STKLD1: variants seen among roughly 807,000 people sequenced by gnomAD.
STKLD1 encodes serine/threonine kinase like domain containing 1.
A neutral mutation model predicts 80.4 loss-of-function variants in STKLD1; 79 were observed. That is an observed-to-expected ratio of 0.98 (90% CI 0.82 to 1.19). The LOEUF (loss-of-function observed/expected upper bound fraction) is 1.19, where lower values mean the gene tolerates loss of function less well. Among genes scored for constraint, STKLD1 ranks in the 50% most tolerant of loss-of-function variants. The probability of loss-of-function intolerance (pLI) is 0.00; values close to 1 mark genes in which losing one functional copy is unlikely to be tolerated. For missense variants in STKLD1, 841 were observed against 856.0 expected (o/e 0.98, Z 0.22); for synonymous variants, 393 against 357.6 (o/e 1.10, Z -1.12).
In STKLD1 at chr9:133,394,531, C is replaced by T; in HGVS notation, c.702+122C>T. Reference sequence around the variant, plus strand: ...CCTTCCCCTGGCTCTCTGCAGGCTGCACAGAGCCCTCTTCTCCACCTGCGA... The same window carrying T: ...CCTTCCCCTGGCTCTCTGCAGGCTGTACAGAGCCCTCTTCTCCACCTGCGA... On this transcript the variant is annotated intron_variant, in intron 8 of 17. Transcript: ENST00000371957. This position sits in a 1 kb window ranked among gnomAD's most constrained non-coding sequence, Gnocchi z 4.9. 2 of 749,070 alleles carry T rather than the reference C, an allele frequency of 2.7e-6. No homozygotes were observed. Among genetic ancestry groups the T allele is most frequent in the Non-Finnish European group, 2.4e-6 (1 of 425,394 alleles). 46.4% of individuals were successfully genotyped at this position (749,070 alleles called of 1,614,324 possible). A position where few individuals can be genotyped will look rare whatever the true frequency, so the allele number is the denominator to read the frequency against.
intron 11 of STKLD1, 42 bp from the exon 12 acceptor site, chr9:133,400,371 C>T: frequency 4.0e-6 from 6 of 1,517,304 alleles, no homozygotes; most frequent in Non-Finnish European, 5.5e-6. Context: ...TGCCCCCGAT[C>T]TGGCCCAAAA....
At chr9:133,399,017 T>G (rs1554777128) in intron 11 of STKLD1, among the ~76,000 whole-genome samples, 1 of 152,124 alleles carries the variant, frequency 6.6e-6, no homozygotes, top group Non-Finnish European at 1.5e-5. Context: ...CACACCCAGC[T>G]AATTTTTCGT....
rs1398205563 is a variant in STKLD1 at position 133,404,723 on chromosome 9, C to T, written c.1733-66C>T. Reference sequence around the variant, plus strand: ...GTGAGCTCTGGGGTCCCATCCCGTCCTGGGCAGAAGGCTCTTCCCTTTCAG... The same window carrying T: ...GTGAGCTCTGGGGTCCCATCCCGTCTTGGGCAGAAGGCTCTTCCCTTTCAG... On this transcript the variant is annotated intron_variant, in intron 16 of 17. Transcript: ENST00000371957. The T allele has an allele frequency of 1.9e-6, 3 of 1,580,228 alleles. No homozygotes were observed. The African/African-American group carries it at 4.1e-5, about 21-fold the overall frequency.
In STKLD1 at chr9:133,405,747, CG is replaced by C. The variant is rs1249300461; in HGVS notation, c.*331del. The C allele has an allele frequency of 1.8e-5, 4 of 216,708 alleles. No individual in the cohort carries two copies. Among genetic ancestry groups the C allele is most frequent in the African/African-American group, 9.3e-5 (4 of 43,144 alleles). The allele number at this position is 216,708 out of a possible 1,614,324, so 13.4% of individuals were successfully genotyped here. ...GTGGGGAAGCAGCTCAGCCCTGATGCGGGGGAGAAGACAGATACCCCACAGG... is the reference window on the plus strand; with the variant it reads ...GTGGGGAAGCAGCTCAGCCCTGATGCGGGGAGAAGACAGATACCCCACAGG... On this transcript the variant is annotated 3_prime_UTR_variant, in exon 18 of 18. Transcript: ENST00000371957.
chr9:133,385,355 G>A lies in STKLD1; in HGVS notation c.220-262G>A, dbSNP rs978828574. ...CTCACTCACCCCCCATGGTATCCCT[G>A]TGAGGCAGATTCCACTAGGACCCCC... On this transcript the variant is annotated intron_variant, in intron 3 of 17. Transcript: ENST00000371957. This position sits in a 1 kb window ranked among gnomAD's most constrained non-coding sequence, Gnocchi z 4.9. Among the ~76,000 whole-genome samples the A allele has an allele frequency of 6.6e-6, 1 of 152,114 alleles. No individual in the cohort carries two copies. Among genetic ancestry groups the A allele is most frequent in the Non-Finnish European group, 1.5e-5 (1 of 68,016 alleles).
In STKLD1 at chr9:133,390,743, G is replaced by A. The variant is rs2130287207; in HGVS notation, c.530G>A (p.Ser177Asn). 2 of 1,613,928 alleles carry A rather than the reference G, an allele frequency of 1.2e-6. No individual in the cohort carries two copies. The highest frequency in any genetic ancestry group is 1.1e-5 in the South Asian group (1 of 91,080). The change falls in exon 7 of 18, where the codon AGT becomes AAT. Residue 177 changes from serine (S) to asparagine (N), a missense_variant. By Grantham distance (46) the Ser-to-Asn change is conservative (BLOSUM62 1). Transcript: ENST00000371957. This position sits in a 1 kb window ranked among gnomAD's most constrained non-coding sequence, Gnocchi z 5.1. ...GACCACTGCAAACTGCAGGACCTGA[G>A]TTCCAATGTGCTAATGACAGACAAA... The part of the protein sequence containing the change: ...SSDHCKLQDL[S>N]SNVLMTDKAK...
intron 1 of STKLD1, 83 bp from the exon 2 acceptor site, chr9:133,378,953 C>A (rs967754159): frequency 8.1e-7 from 1 of 1,242,012 alleles, no homozygotes; most frequent in Non-Finnish European, 1.1e-6. Context: ...GTTAGCAGGG[C>A]CAGAAAAGGA....
In STKLD1 at chr9:133,405,556, A is replaced by C. The variant is rs1838836543; in HGVS notation, c.*135A>C. 2.3e-6 allele frequency: 2 copies of C among 863,094 alleles called. No homozygotes were observed. Among genetic ancestry groups the C allele is most frequent in the African/African-American group, 3.5e-5 (2 of 57,568 alleles). 53.5% of individuals were successfully genotyped at this position (863,094 alleles called of 1,614,324 possible). A position where few individuals can be genotyped will look rare whatever the true frequency, so the allele number is the denominator to read the frequency against. On this transcript the variant is annotated 3_prime_UTR_variant, in exon 18 of 18. Transcript: ENST00000371957. ...GAGGGGTAATCAGACCTCTCCAAAG[A>C]GTTTCCTGTCCATGACTGCTGGATT...
intron 7 of STKLD1, among the ~76,000 whole-genome samples, chr9:133,392,582 AGTGGATGGATGGATGGATGG>A (rs1263266379): frequency 0.05 from 3,015 of 59,996 alleles, 166 homozygotes; most frequent in Middle Eastern, 0.12. Context: ...TGGATGGATG[AGTGGATGGATGGATGGATGG>A]GTGGATGGAT....
chr9:133,385,094 C>G lies in STKLD1; in HGVS notation c.220-523C>G, dbSNP rs1838234510. Among the ~76,000 whole-genome samples the G allele has an allele frequency of 1.3e-5, 2 of 152,240 alleles. No homozygotes were observed. The highest frequency in any genetic ancestry group is 4.8e-5 in the African/African-American group (2 of 41,458). On this transcript the variant is annotated intron_variant, in intron 3 of 17. Coordinates refer to ENST00000371957, the MANE Select transcript of STKLD1 (RefSeq NM_153710.5). This position sits in a 1 kb window ranked among gnomAD's most constrained non-coding sequence, Gnocchi z 4.9. ...ACGTTGCCGATTCCCATCCACAGCC[C>G]ACTAGGTAGGCCACCTGCTTTCATG...
chr9:133,405,160 G>A, intron 17 of STKLD1, 92 bp from the exon 18 acceptor site: 1 of 1,470,274 alleles, frequency 6.8e-7, no homozygotes, highest in Non-Finnish European at 9.1e-7. Flanking sequence ...CCAAGCCCAA[G>A]GGGGAATGTG....
chr9:133,401,965 T>C (rs1838718324), intron 13 of STKLD1, 87 bp downstream of exon 13: 14 of 1,543,294 alleles, frequency 9.1e-6, no homozygotes, highest in Non-Finnish European at 1.2e-5. Flanking sequence ...GGGGTATAGG[T>C]GGGTTGGACA....
intron 11 of STKLD1, among the ~76,000 whole-genome samples, chr9:133,398,649 C>T (rs1446522076): frequency 6.6e-6 from 1 of 152,126 alleles, no homozygotes; most frequent in Non-Finnish European, 1.5e-5. Context: ...TGTGGTGACA[C>T]ATGTCTGTTA....
At position 133,391,231 on chromosome 9, in the gene STKLD1, G is replaced by A. The variant is rs1240896477; in HGVS notation, c.583+435G>A. ...CCCAGACAGCCGCCCTGTCCGGGAG[G>A]GAGGTGGGGGGGTCAGCCCCCCGCC... On this transcript the variant is annotated intron_variant, in intron 7 of 17. Coordinates refer to ENST00000371957, the MANE Select transcript of STKLD1 (RefSeq NM_153710.5). 3.8e-3 allele frequency among the ~76,000 whole-genome samples: 576 copies of A among 149,652 alleles called. 8 individuals carry two copies. The highest frequency in any genetic ancestry group is 0.011 in the African/African-American group (447 of 39,994).
At position 133,389,708 on chromosome 9, in the gene STKLD1, G is replaced by A. The variant is rs1428400488; in HGVS notation, c.467+112G>A. The A allele has an allele frequency of 2.7e-5, 41 of 1,514,032 alleles. No individual in the cohort carries two copies. Among genetic ancestry groups the A allele is most frequent in the East Asian group, 7.2e-5 (3 of 41,898 alleles). The allele number at this position is 1,514,032 out of a possible 1,614,324, so 93.8% of individuals were successfully genotyped here. A position where few individuals can be genotyped will look rare whatever the true frequency, so the allele number is the denominator to read the frequency against. On this transcript the variant is annotated intron_variant, in intron 6 of 17. Coordinates refer to ENST00000371957, the MANE Select transcript of STKLD1 (RefSeq NM_153710.5). This position sits in a 1 kb window ranked among gnomAD's most constrained non-coding sequence, Gnocchi z 6.4. ...CAGGATCTGGGGAGAAAGGTGCACC[G>A]GGCCAGTGCAGCCAGGATAGGATGG...
chr9:133,404,839 A>T lies in STKLD1; in HGVS notation c.1783A>T (p.Ser595Cys). 1 of 1,613,286 alleles carries T rather than the reference A, an allele frequency of 6.2e-7. No individual in the cohort carries two copies. The highest frequency in any genetic ancestry group is 2.2e-5 in the East Asian group (1 of 44,848). The change falls in exon 17 of 18, where the codon AGC (serine) becomes TGC (cysteine). Residue 595 changes from serine (S) to cysteine (C), a missense_variant. By Grantham distance (112) the Ser-to-Cys change is moderately radical (BLOSUM62 -1). Transcript: ENST00000371957. ...GCAGGAGGAGGGCGGCAGTGGCCTC[A>T]GCCTCATCAAGGAGACCTACCAGCT... is the stretch of plus-strand genomic sequence containing the variant. Reference protein sequence around the residue: ...VVQEEGGSGLSLIKETYQLHR... With the variant: ...VVQEEGGSGLCLIKETYQLHR...
intron 13 of STKLD1, among the ~76,000 whole-genome samples, chr9:133,402,236 G>A (rs984263749): frequency 2.0e-5 from 3 of 152,084 alleles, no homozygotes; most frequent in African/African-American, 2.4e-5. Flanking sequence ...GTGGGCTTCC[G>A]AAGCCTCCAG....
intron 2 of STKLD1, 29 bp from the exon 3 acceptor site, chr9:133,383,827 A>C: frequency 6.2e-7 from 1 of 1,612,878 alleles, no homozygotes; most frequent in Non-Finnish European, 8.5e-7. Context: ...CTACATGTTT[A>C]TTAAGCTCAT....
intron 13 of STKLD1, 37 bp from the exon 14 acceptor site, chr9:133,402,841 G>A: frequency 6.3e-7 from 1 of 1,583,072 alleles, no homozygotes; most frequent in Non-Finnish European, 8.6e-7. Context: ...TTCCTGGAGG[G>A]AGGGGCCCTG....
Sources: allele counts gnomAD v4.1 joint callset (sites outside exome capture counted in the v4.1 genomes callset), GRCh38; gene constraint gnomAD v4.1.1; non-coding constraint Gnocchi (gnomAD v3.1); transcripts MANE v1.5; gene names NCBI Gene and HGNC (gene_info 2026-07-23, HGNC 2026-07-21).